CNTLN: variants seen among roughly 807,000 people sequenced by gnomAD.
CNTLN encodes centlein.
Under a neutral mutation model 180.0 loss-of-function variants are expected in CNTLN, and 212 were observed. The observed-to-expected ratio is 1.18, with a 90% confidence interval of 1.05 to 1.32. The LOEUF (loss-of-function observed/expected upper bound fraction) is 1.32, where lower values mean the gene tolerates loss of function less well. CNTLN is among the 40% of genes most tolerant of loss of function. CNTLN has a pLI of 0.00. For missense variants in CNTLN, 2,095 were observed against 1,610.9 expected (o/e 1.30, Z -5.14); for synonymous variants, 722 against 563.1 (o/e 1.28, Z -3.99).
intron 2 of CNTLN, among the ~76,000 whole-genome samples, chr9:17,157,787 A>C (rs186677174): frequency 1.2e-3 from 179 of 152,360 alleles, no homozygotes; most frequent in African/African-American, 4.0e-3. Flanking sequence ...AATAAGTATA[A>C]GAAAATGATC....
At chr9:17,323,484 A>G (rs902259157) in intron 8 of CNTLN, among the ~76,000 whole-genome samples, 1 of 152,154 alleles carries the variant, frequency 6.6e-6, no homozygotes, top group African/African-American at 2.4e-5. Context: ...GCTCCTCCAT[A>G]TGTTCTTGCT....
intron 5 of CNTLN, among the ~76,000 whole-genome samples, chr9:17,253,860 T>C (rs1031448601): frequency 6.6e-6 from 1 of 151,432 alleles, no homozygotes; most frequent in Non-Finnish European, 1.5e-5. Flanking sequence ...GTTTAAATTA[T>C]TATAGGAAAG....
chr9:17,527,932 C>A, the CNTLN span, among the ~76,000 whole-genome samples: 1 of 151,914 alleles, frequency 6.6e-6, no homozygotes, highest in African/African-American at 2.4e-5. Flanking sequence ...AAAACTGGAA[C>A]AATTTGATCA....
At chr9:17,506,910 A>G (rs1404300608), downstream of CNTLN, among the ~76,000 whole-genome samples, 1 of 152,170 alleles carries the variant, frequency 6.6e-6, no homozygotes, top group Non-Finnish European at 1.5e-5. Flanking sequence ...GCATGCGTAC[A>G]TTGGGTAATA....
intron 13 of CNTLN, among the ~76,000 whole-genome samples, chr9:17,372,380 G>T (rs1207611057): frequency 1.3e-5 from 2 of 151,952 alleles, no homozygotes; most frequent in South Asian, 2.1e-4. Flanking sequence ...TAGAAGAAAT[G>T]GATAAATTCT....
rs1831776047 is a variant in CNTLN at position 17,466,791 on chromosome 9, T to G, written c.3755T>G (p.Leu1252Arg). 6.2e-7 allele frequency: 1 copy of G among 1,611,026 alleles called. No individual in the cohort carries two copies. The highest frequency in any genetic ancestry group is 8.5e-7 in the Non-Finnish European group (1 of 1,178,030). The stretch of plus-strand genomic sequence containing the variant: ...ATTGAAACAGCAGCATCTAAGCAGC[T>G]TCAAGAATTAGCATTGCAAAGTGAA... ...AEIETAASKQ[L>R]QELALQSEQV... is the part of the protein sequence containing the mutation. Residue 1252 changes from leucine to arginine, a missense_variant, in exon 23 of 26, where the codon CTT (leucine) becomes CGT (arginine). Transcript: ENST00000380647.
At chr9:17,255,096 T>C (rs1230517623) in intron 5 of CNTLN, among the ~76,000 whole-genome samples, 1 of 151,826 alleles carries the variant, frequency 6.6e-6, no homozygotes. Context: ...GTGTATAGAA[T>C]CTTAAGGTTT....
chr9:17,195,078 T>A (rs1403306680), intron 2 of CNTLN, among the ~76,000 whole-genome samples: 1 of 152,010 alleles, frequency 6.6e-6, no homozygotes, highest in Non-Finnish European at 1.5e-5. Flanking sequence ...GAAGATGAGA[T>A]TTGGGTGGGG....
the CNTLN span, among the ~76,000 whole-genome samples, chr9:17,524,004 T>C: frequency 6.6e-6 from 1 of 152,184 alleles, no homozygotes; most frequent in African/African-American, 2.4e-5. Flanking sequence ...TTTACTCTTA[T>C]GTCAAATGTG....
At chr9:17,461,016 A>C (rs1399018440) in intron 19 of CNTLN, among the ~76,000 whole-genome samples, 2 of 151,690 alleles carry the variant, frequency 1.3e-5, no homozygotes, top group Non-Finnish European at 3.0e-5. Context: ...TGAAAATGTT[A>C]AGGTAAATAC....
chr9:17,434,239 T>A (rs1489398271), intron 18 of CNTLN, among the ~76,000 whole-genome samples: 1 of 151,998 alleles, frequency 6.6e-6, no homozygotes, highest in Non-Finnish European at 1.5e-5. Flanking sequence ...TCAGTTTTAT[T>A]TATTTCTGCT....
chr9:17,526,533 G>C, the CNTLN span, among the ~76,000 whole-genome samples: 1 of 152,114 alleles, frequency 6.6e-6, no homozygotes, highest in Admixed American at 6.5e-5. Context: ...CACAAAGATT[G>C]ATAAGACTGA....
intron 18 of CNTLN, among the ~76,000 whole-genome samples, chr9:17,430,298 C>A (rs1829340773): frequency 6.6e-6 from 1 of 151,958 alleles, no homozygotes; most frequent in Non-Finnish European, 1.5e-5. Flanking sequence ...CTACTCTTTT[C>A]AATTGTCACC....
At chr9:17,156,500 C>T (rs867629741) in intron 2 of CNTLN, among the ~76,000 whole-genome samples, 15 of 151,964 alleles carry the variant, frequency 9.9e-5, no homozygotes, top group African/African-American at 3.6e-4. Context: ...TTCCATCTTT[C>T]TCTTACTCTT....
chr9:17,220,439 G>T (rs77582781), intron 2 of CNTLN, among the ~76,000 whole-genome samples: 1 of 152,044 alleles, frequency 6.6e-6, no homozygotes, highest in Non-Finnish European at 1.5e-5. Context: ...AGGGGTACAT[G>T]TGCAGGTTTG....
At chr9:17,523,891 A>G in the CNTLN span, among the ~76,000 whole-genome samples, 3 of 152,316 alleles carry the variant, frequency 2.0e-5, no homozygotes, top group Admixed American at 6.5e-5. Flanking sequence ...TTCCTCCATT[A>G]CAGGGTTGAC....
At chr9:17,198,468 T>C (rs965474812) in intron 2 of CNTLN, among the ~76,000 whole-genome samples, 2 of 151,004 alleles carry the variant, frequency 1.3e-5, no homozygotes, top group Non-Finnish European at 3.0e-5. Context: ...TTTCACTTCT[T>C]TGGTTAAGTG....
At chr9:17,296,457 T>G (rs142523539) in intron 6 of CNTLN, among the ~76,000 whole-genome samples, 1 of 152,322 alleles carries the variant, frequency 6.6e-6, no homozygotes, top group Non-Finnish European at 1.5e-5. Context: ...TTTGCTATGT[T>G]TTAACACTGT....
chr9:17,281,323 G>A (rs1269587211), intron 6 of CNTLN, among the ~76,000 whole-genome samples: 3 of 151,962 alleles, frequency 2.0e-5, no homozygotes, highest in Non-Finnish European at 4.4e-5. Flanking sequence ...CGTGCAGGAT[G>A]TGCAGGTTTG....
Sources: allele counts gnomAD v4.1 joint callset (sites outside exome capture counted in the v4.1 genomes callset), GRCh38; gene constraint gnomAD v4.1.1; transcripts MANE v1.5; gene names NCBI Gene and HGNC (gene_info 2026-07-23, HGNC 2026-07-21).